The following DENND1A variants were observed in gnomAD, a reference collection of about 807,000 sequenced individuals.
The protein encoded by DENND1A is DENN domain-containing protein 1A.
DENND1A carries 51 observed loss-of-function variants against 113.7 expected under a neutral mutation model. The ratio of observed to expected loss-of-function variants is 0.45; its 90% CI spans 0.36 to 0.57. The LOEUF is 0.57. Ranked by LOEUF, DENND1A falls within the 20% of genes least tolerant of loss-of-function variation. DENND1A has a pLI of 0.00. For synonymous variants in DENND1A, 565 were observed against 570.8 expected (o/e 0.99, Z 0.14); for missense variants, 1,258 against 1,395.9 (o/e 0.90, Z 1.57).
rs138375585 is a variant in DENND1A at position 123,557,563 on chromosome 9, T to A, written c.993+7A>T. ...CACAGGCTCTGTGACATGCCAAGGC[T>A]ACTCACCGGCTCGATTTTCAGAGCG... On this transcript the variant is annotated splice_region_variant and intron_variant, in intron 13 of 23. Transcript: ENST00000394215. 51 of 1,613,572 alleles carry A rather than the reference T, an allele frequency of 3.2e-5. No individual in the cohort carries two copies. The African/African-American group carries it at 4.4e-4, about 14-fold the overall frequency.
chr9:123,632,310 C>T (rs545515856), intron 9 of DENND1A, among the ~76,000 whole-genome samples: 4 of 152,178 alleles, frequency 2.6e-5, no homozygotes, highest in East Asian at 3.9e-4. Context: ...CGTCAAGGCT[C>T]GCAGGTTTAA....
intron 18 of DENND1A, among the ~76,000 whole-genome samples, chr9:123,446,159 C>A (rs1294733432): frequency 2.0e-5 from 3 of 152,234 alleles, no homozygotes; most frequent in African/African-American, 7.2e-5. Flanking sequence ...TGGGCAGAGG[C>A]CTTCCCGTCT....
chr9:123,923,086 A>G (rs1282171590), intron 1 of DENND1A, among the ~76,000 whole-genome samples: 3 of 152,224 alleles, frequency 2.0e-5, no homozygotes. Flanking sequence ...AGGGCCAGGA[A>G]AAAGGCTGGA....
rs563152381 is a variant in DENND1A at position 123,815,416 on chromosome 9, C to A, written c.89-22786G>T. ...CTCAGTAAATTCACATGACTAGAAA[C>A]AACTTTAACACACTAAACAAATTCT... On this transcript the variant is annotated intron_variant, in intron 2 of 23. Coordinates refer to ENST00000394215, the MANE Select transcript of DENND1A (RefSeq NM_001352964.2). 3.9e-5 allele frequency among the ~76,000 whole-genome samples: 6 copies of A among 152,292 alleles called. No individual in the cohort carries two copies. In the South Asian group the frequency reaches 1.0e-3, roughly 26 times the overall value.
intron 11 of DENND1A, among the ~76,000 whole-genome samples, chr9:123,594,631 G>A (rs926282896): frequency 2.0e-5 from 3 of 151,610 alleles, no homozygotes; most frequent in Non-Finnish European, 4.4e-5. Flanking sequence ...TCCCAGGGAG[G>A]GGAGACTTTC....
rs1259513992 is a variant in DENND1A at position 123,759,412 on chromosome 9, C to G, written c.183-1590G>C. On this transcript the variant is annotated intron_variant, in intron 4 of 23. Coordinates refer to ENST00000394215, the MANE Select transcript of DENND1A (RefSeq NM_001352964.2). ...GAAATCACACCAGAAGGAAGAAGTA[C>G]TATTGTTGTTATTATTATTACTATT... The G allele has an allele frequency of 1.3e-5, 2 of 152,126 alleles. 1 individual carries two copies. Among genetic ancestry groups the G allele is most frequent in the Admixed American group, 1.3e-4 (2 of 15,258 alleles). The allele number at this position is 152,126 out of a possible 1,614,324, so 9.4% of individuals were successfully genotyped here. A position where few individuals can be genotyped will look rare whatever the true frequency, so the allele number is the denominator to read the frequency against.
At chr9:123,420,506 C>T (rs901657918) in intron 19 of DENND1A, among the ~76,000 whole-genome samples, 3 of 152,122 alleles carry the variant, frequency 2.0e-5, no homozygotes, top group South Asian at 2.1e-4. Flanking sequence ...AGATGATCTC[C>T]GGAGAGAGCG....
At chr9:123,662,586 T>C (rs2063299505) in intron 8 of DENND1A, among the ~76,000 whole-genome samples, 1 of 152,182 alleles carries the variant, frequency 6.6e-6, no homozygotes, top group African/African-American at 2.4e-5. Context: ...GAGTTATTTT[T>C]AGTCATGCTA....
At chr9:123,799,104 G>A (rs1461150040) in intron 2 of DENND1A, among the ~76,000 whole-genome samples, 1 of 152,016 alleles carries the variant, frequency 6.6e-6, no homozygotes, top group African/African-American at 2.4e-5. Flanking sequence ...ACTCCATATG[G>A]TCTTCATAAA....
intron 2 of DENND1A, among the ~76,000 whole-genome samples, chr9:123,863,100 G>A (rs1002464670): frequency 6.6e-6 from 1 of 152,128 alleles, no homozygotes; most frequent in Admixed American, 6.6e-5. Context: ...GACAATTCTG[G>A]CCAATGGCCC....
chr9:123,385,373 C>T (rs1028389223), intron 22 of DENND1A, among the ~76,000 whole-genome samples: 1 of 152,156 alleles, frequency 6.6e-6, no homozygotes, highest in Non-Finnish European at 1.5e-5. Context: ...CTATGTTGGC[C>T]AGGCTGGTCT....
chr9:123,704,794 T>C (rs2066086629), intron 5 of DENND1A, among the ~76,000 whole-genome samples: 1 of 151,860 alleles, frequency 6.6e-6, no homozygotes, highest in Admixed American at 6.6e-5. Flanking sequence ...AAGAACCAAA[T>C]GGAATATCAC....
chr9:123,877,301 A>G (rs1847630270), intron 2 of DENND1A, among the ~76,000 whole-genome samples: 1 of 151,942 alleles, frequency 6.6e-6, no homozygotes, highest in Non-Finnish European at 1.5e-5. Flanking sequence ...CAGCCTGGCC[A>G]ACATAGTGAA....
chr9:123,653,760 G>C (rs904464644), intron 8 of DENND1A, among the ~76,000 whole-genome samples: 4 of 151,928 alleles, frequency 2.6e-5, no homozygotes, highest in Admixed American at 6.6e-5. Context: ...AAAGGAAAAT[G>C]CTTCTGTTAA....
chr9:123,911,744 G>A (rs1309615481), intron 1 of DENND1A, among the ~76,000 whole-genome samples: 1 of 151,330 alleles, frequency 6.6e-6, no homozygotes, highest in Admixed American at 6.6e-5. Flanking sequence ...AGGCTGGAGT[G>A]CAGTGGTGCG....
chr9:123,554,560 G>C (rs1464623964), intron 13 of DENND1A, among the ~76,000 whole-genome samples: 2 of 152,212 alleles, frequency 1.3e-5, no homozygotes. Flanking sequence ...TAGGTGACAT[G>C]GTGATGACCA....
At chr9:123,670,313 C>T (rs1018235153) in intron 7 of DENND1A, among the ~76,000 whole-genome samples, 1 of 152,154 alleles carries the variant, frequency 6.6e-6, no homozygotes, top group Non-Finnish European at 1.5e-5. Flanking sequence ...AGGGAAATAG[C>T]TCCTGGATAA....
intron 13 of DENND1A, among the ~76,000 whole-genome samples, chr9:123,483,800 C>G (rs2133785727): frequency 6.6e-6 from 1 of 152,322 alleles, no homozygotes; most frequent in East Asian, 1.9e-4. Context: ...ATCTACCTCC[C>G]AGAGTTGCTG....
chr9:123,675,836 T>C (rs2094246827), intron 6 of DENND1A, among the ~76,000 whole-genome samples: 1 of 152,230 alleles, frequency 6.6e-6, no homozygotes, highest in South Asian at 2.1e-4. Context: ...GTTTTAAAAA[T>C]GTTTATGTCC....
Sources: gnomAD v4.1 joint callset for allele counts (sites outside exome capture counted in the v4.1 genomes callset) on GRCh38, gnomAD v4.1.1 for gene constraint, MANE v1.5 for transcripts, NCBI Gene and HGNC (gene_info 2026-07-23, HGNC 2026-07-21) for gene names.